Variants in GRID1 observed in about 807,000 individuals in gnomAD.
The protein encoded by GRID1 is glutamate ionotropic receptor delta type subunit 1, also known as glutamate receptor ionotropic, delta-1.
A neutral mutation model predicts 98.0 loss-of-function variants in GRID1; 28 were observed. The ratio of observed to expected loss-of-function variants is 0.29; its 90% CI spans 0.21 to 0.39. The LOEUF (loss-of-function observed/expected upper bound fraction) is 0.39. Ranked by LOEUF, GRID1 falls within the 10% of genes least tolerant of loss-of-function variation. The pLI is 1.00. For synonymous variants in GRID1, 553 were observed against 538.5 expected, an observed-to-expected ratio of 1.03 and a Z score of -0.37; for missense variants, 1,111 against 1,340.5, an observed-to-expected ratio of 0.83 and a Z score of 2.67.
At chr10:86,123,556 G>A (rs760253985) in intron 4 of GRID1, among the ~76,000 whole-genome samples, 3 of 152,188 alleles carry the variant, frequency 2.0e-5, no homozygotes, top group Non-Finnish European at 2.9e-5. Context: ...CAAACAAATC[G>A]CAGCCCTGGG....
intron 2 of GRID1, among the ~76,000 whole-genome samples, chr10:86,336,447 A>G (rs4934187): frequency 0.96 from 145,574 of 152,230 alleles, 69,711 homozygotes; most frequent in East Asian, 1. Flanking sequence ...TGGCACCCTG[A>G]GCTCCGGGTC....
intron 4 of GRID1, among the ~76,000 whole-genome samples, chr10:86,122,948 A>G (rs139385082): frequency 6.6e-6 from 1 of 152,342 alleles, no homozygotes; most frequent in Non-Finnish European, 1.5e-5. Flanking sequence ...TCAAGTCCAG[A>G]GTCCAGGGAC....
intron 12 of GRID1, among the ~76,000 whole-genome samples, chr10:85,716,687 TTA>T (rs1178645956): frequency 7.4e-5 from 11 of 148,354 alleles, no homozygotes; most frequent in African/African-American, 2.7e-4. Flanking sequence ...TTTGTATATA[TTA>T]TATATACATA....
intron 4 of GRID1, among the ~76,000 whole-genome samples, chr10:86,041,055 T>C (rs1843338613): frequency 6.6e-6 from 1 of 152,192 alleles, no homozygotes; most frequent in Non-Finnish European, 1.5e-5. Flanking sequence ...CTTGTCCTCT[T>C]TCCCACTCAG....
intron 13 of GRID1, among the ~76,000 whole-genome samples, chr10:85,635,296 A>G (rs576326214): frequency 5.9e-5 from 9 of 152,316 alleles, no homozygotes; most frequent in Non-Finnish European, 1.3e-4. Flanking sequence ...CAAACCAATC[A>G]TCACCAAACA....
At chr10:86,217,248 AC>A (rs2132026812) in intron 2 of GRID1, among the ~76,000 whole-genome samples, 1 of 152,336 alleles carries the variant, frequency 6.6e-6, no homozygotes, top group Non-Finnish European at 1.5e-5. Flanking sequence ...CAGTCAGGCC[AC>A]TGTGGTAGCT....
intron 2 of GRID1, among the ~76,000 whole-genome samples, chr10:86,310,488 A>T (rs1847818037): frequency 6.6e-6 from 1 of 152,120 alleles, no homozygotes; most frequent in Non-Finnish European, 1.5e-5. Context: ...CTTGTGTCTG[A>T]CACCACCAAT....
intron 8 of GRID1, among the ~76,000 whole-genome samples, chr10:85,737,996 G>A (rs1472173098): frequency 6.6e-6 from 1 of 151,998 alleles, no homozygotes; most frequent in East Asian, 1.9e-4. Flanking sequence ...AAGGTCAGAT[G>A]TGGGCCAGCA....
At chr10:86,171,102 C>T (rs891082322) in intron 3 of GRID1, among the ~76,000 whole-genome samples, 7 of 152,154 alleles carry the variant, frequency 4.6e-5, no homozygotes, top group African/African-American at 1.4e-4. Context: ...TACATCAGAG[C>T]GTCTAGAAGC....
At chr10:85,881,144 A>G (rs1378725771) in intron 5 of GRID1, among the ~76,000 whole-genome samples, 1 of 152,220 alleles carries the variant, frequency 6.6e-6, no homozygotes, top group Non-Finnish European at 1.5e-5. Flanking sequence ...AAATGGAAGA[A>G]CATTCCATGC....
intron 6 of GRID1, among the ~76,000 whole-genome samples, chr10:85,857,950 G>A (rs1012006481): frequency 6.6e-6 from 1 of 152,160 alleles, no homozygotes; most frequent in African/African-American, 2.4e-5. Flanking sequence ...AAGTTAGGTG[G>A]CGCGAACTCT....
At chr10:86,034,820 G>T (rs115451921) in intron 4 of GRID1, among the ~76,000 whole-genome samples, 1,709 of 152,094 alleles carry the variant, frequency 0.011, 33 homozygotes, top group African/African-American at 0.039. Context: ...TGGATGGATG[G>T]ACCTACTGAT....
intron 5 of GRID1, among the ~76,000 whole-genome samples, chr10:85,888,007 A>G (rs1315313233): frequency 2.6e-5 from 4 of 152,062 alleles, no homozygotes; most frequent in Non-Finnish European, 5.9e-5. Context: ...CCCATAGCAG[A>G]CCATCCCAAT....
Position 86,339,950 on chromosome 10 carries a change from G to T in GRID1, c.235+23991C>A, listed in dbSNP as rs1848286598. Among the ~76,000 whole-genome samples the T allele has an allele frequency of 2.0e-5, 3 of 152,026 alleles. No individual in the cohort carries two copies. In the South Asian group the frequency reaches 6.2e-4, roughly 31 times the overall value. On this transcript the variant is annotated intron_variant, in intron 2 of 15. Coordinates refer to ENST00000327946, the MANE Select transcript of GRID1 (RefSeq NM_017551.3). ...ATTAAAAGGAGATGAGAACTACGGA[G>T]AAAGACAGGCAGCACCAGGAGGACG...
chr10:86,219,965 A>G (rs1055467730), intron 2 of GRID1, among the ~76,000 whole-genome samples: 1 of 152,210 alleles, frequency 6.6e-6, no homozygotes, highest in Non-Finnish European at 1.5e-5. Flanking sequence ...TCTACCACAC[A>G]GCAGCCCAGA....
chr10:85,775,275 A>G (rs1184347595), intron 8 of GRID1, among the ~76,000 whole-genome samples: 1 of 144,932 alleles, frequency 6.9e-6, no homozygotes, highest in Non-Finnish European at 1.5e-5. Context: ...GAATTGAACA[A>G]TGAGAACACA....
At chr10:85,613,677 C>A in intron 14 of GRID1, 30 bp from the exon 15 acceptor site, 1 of 1,595,242 alleles carries the variant, frequency 6.3e-7, no homozygotes, top group Non-Finnish European at 8.6e-7. Flanking sequence ...TGAGCTATAG[C>A]CACTGACGTC....
At chr10:85,851,952 C>A (rs887536810) in intron 8 of GRID1, among the ~76,000 whole-genome samples, 1 of 152,028 alleles carries the variant, frequency 6.6e-6, no homozygotes, top group African/African-American at 2.4e-5. Flanking sequence ...CCAGCCCCAC[C>A]CTTCACAGCC....
At chr10:86,003,780 G>T (rs1842828420) in intron 4 of GRID1, among the ~76,000 whole-genome samples, 1 of 152,186 alleles carries the variant, frequency 6.6e-6, no homozygotes, top group African/African-American at 2.4e-5. Context: ...CATCTTACAG[G>T]CAGAGATTTT....
Sources: gnomAD v4.1 joint callset for allele counts (sites outside exome capture counted in the v4.1 genomes callset) on GRCh38, gnomAD v4.1.1 for gene constraint, MANE v1.5 for transcripts, NCBI Gene and HGNC (gene_info 2026-07-23, HGNC 2026-07-21) for gene names.